PALS1: variants seen among roughly 807,000 people sequenced by gnomAD.
PALS1 encodes protein associated with LIN7 1, MAGUK p55 family member.
PALS1 carries 31 observed loss-of-function variants against 78.9 expected under a neutral mutation model. The observed-to-expected ratio is 0.39, with a 90% CI of 0.30 to 0.53. PALS1 has a LOEUF of 0.53. PALS1 is among the 20% of genes least tolerant of loss of function. The pLI is 0.67. For synonymous variants in PALS1, 276 were observed against 270.9 expected (o/e 1.02, Z -0.18); for missense variants, 704 against 826.5 (o/e 0.85, Z 1.82).
At position 67,255,626 on chromosome 14, in the gene PALS1, C is replaced by G. The variant is rs115874811; in HGVS notation, c.-236-14075C>G. ...GCTTAGGGCTTGAGAGATAACACTT[C>G]GATTACTTTTCTTAATTTAAAGGTT... On this transcript the variant is annotated intron_variant, in intron 1 of 14. Coordinates refer to ENST00000261681, the MANE Select transcript of PALS1 (RefSeq NM_022474.4). Among the ~76,000 whole-genome samples, 833 of 152,210 alleles carry G rather than the reference C, an allele frequency of 5.5e-3. 7 individuals are homozygous for G. The highest frequency in any genetic ancestry group is 0.019 in the African/African-American group (797 of 41,540).
chr14:67,251,161 A>G (rs2084057443), intron 1 of PALS1, among the ~76,000 whole-genome samples: 1 of 152,232 alleles, frequency 6.6e-6, no homozygotes, highest in African/African-American at 2.4e-5. Context: ...GCCTGCCTTA[A>G]GACTTATTTT....
chr14:67,283,126 C>T (rs2084627496), intron 3 of PALS1, among the ~76,000 whole-genome samples: 1 of 152,086 alleles, frequency 6.6e-6, no homozygotes, highest in Admixed American at 6.6e-5. Context: ...TGATTAGGGG[C>T]TTTCTAATCT....
chr14:67,262,908 A>G (rs2084261509), intron 1 of PALS1, among the ~76,000 whole-genome samples: 2 of 152,172 alleles, frequency 1.3e-5, no homozygotes, highest in African/African-American at 4.8e-5. Flanking sequence ...TTAAAAACCC[A>G]TTTCTAGCCA....
At chr14:67,291,748 G>C (rs2084777070) in intron 3 of PALS1, among the ~76,000 whole-genome samples, 1 of 152,170 alleles carries the variant, frequency 6.6e-6, no homozygotes, top group African/African-American at 2.4e-5. Flanking sequence ...CAAAAGAAGT[G>C]CCTGGTAATT....
At chr14:67,259,663 C>G (rs994355655) in intron 1 of PALS1, among the ~76,000 whole-genome samples, 4 of 151,748 alleles carry the variant, frequency 2.6e-5, no homozygotes, top group Non-Finnish European at 5.9e-5. Context: ...GTAATCCCAG[C>G]GCCCTGAGAG....
chr14:67,266,686 A>G lies in PALS1; in HGVS notation c.-236-3015A>G, dbSNP rs191101512. 2.0e-5 allele frequency among the ~76,000 whole-genome samples: 3 copies of G among 152,280 alleles called. No homozygotes were observed. In the East Asian group the frequency reaches 5.8e-4, roughly 29 times the overall value. The stretch of plus-strand genomic sequence containing the variant: ...TTGGACATAGCTAAGTTTCTTCTGC[A>G]AAGATAGGTCATTCATTGTTGGAAA... On this transcript the variant is annotated intron_variant, in intron 1 of 14. Coordinates refer to ENST00000261681, the MANE Select transcript of PALS1 (RefSeq NM_022474.4).
intron 2 of PALS1, among the ~76,000 whole-genome samples, chr14:67,273,266 CT>C (rs1478215410): frequency 3.9e-5 from 6 of 151,938 alleles, no homozygotes; most frequent in African/African-American, 1.2e-4. Context: ...TCGCTCCCCC[CT>C]CCCACCTCCC....
At chr14:67,270,985 GT>G (rs2084398859) in intron 2 of PALS1, 1 of 152,200 alleles carries the variant, frequency 6.6e-6, no homozygotes, top group Non-Finnish European at 1.5e-5. Flanking sequence ...AATGAGGAAG[GT>G]AAATTAGAAG....
chr14:67,306,702 A>G (rs2085009950), intron 8 of PALS1, among the ~76,000 whole-genome samples: 2 of 152,122 alleles, frequency 1.3e-5, no homozygotes, highest in South Asian at 4.1e-4. Flanking sequence ...ATAACTCTCA[A>G]TTGCAATATA....
chr14:67,295,444 T>G (rs1394930361), intron 4 of PALS1, among the ~76,000 whole-genome samples: 1 of 150,892 alleles, frequency 6.6e-6, no homozygotes, highest in Non-Finnish European at 1.5e-5. Flanking sequence ...GAGCTGAGAT[T>G]GCACCACTGC....
At chr14:67,257,955 G>A (rs1385560587) in intron 1 of PALS1, among the ~76,000 whole-genome samples, 1 of 152,112 alleles carries the variant, frequency 6.6e-6, no homozygotes, top group African/African-American at 2.4e-5. Flanking sequence ...CACCAAGGTA[G>A]TGAATATTTG....
At chr14:67,330,147 TAA>T (rs1202784544) in intron 14 of PALS1, among the ~76,000 whole-genome samples, 24 of 146,956 alleles carry the variant, frequency 1.6e-4, no homozygotes, top group African/African-American at 3.7e-4. Context: ...TAAATAATAA[TAA>T]TAATAATTAT....
At chr14:67,254,344 T>A (rs757700592) in intron 1 of PALS1, 1 of 152,138 alleles carries the variant, frequency 6.6e-6, no homozygotes, top group Non-Finnish European at 1.5e-5. Flanking sequence ...CCTATTAGAT[T>A]TGCAGTATAG....
intron 11 of PALS1, 22 bp from the exon 12 acceptor site, chr14:67,320,208 G>A (rs2085241520): frequency 1.9e-6 from 3 of 1,599,116 alleles, no homozygotes; most frequent in South Asian, 2.3e-5. Flanking sequence ...TGTTTGAAGA[G>A]CTTAACTTTT....
At chr14:67,243,934 G>C (rs2083945465) in intron 1 of PALS1, among the ~76,000 whole-genome samples, 4 of 152,216 alleles carry the variant, frequency 2.6e-5, no homozygotes, top group Admixed American at 2.6e-4. Flanking sequence ...TCCGTAGTCT[G>C]ACTGCTAGTT....
chr14:67,318,524 ACT>A (rs1446124427), intron 11 of PALS1, among the ~76,000 whole-genome samples: 1 of 152,250 alleles, frequency 6.6e-6, no homozygotes, highest in Non-Finnish European at 1.5e-5. Flanking sequence ...GGATATACAC[ACT>A]GAGTCTATAA....
In PALS1 at chr14:67,333,032, G is replaced by A. The variant is rs528575692; in HGVS notation, c.*76G>A. 3.1e-6 allele frequency: 4 copies of A among 1,295,726 alleles called. No homozygotes were observed. The highest frequency in any genetic ancestry group is 1.5e-5 in the African/African-American group (1 of 67,992). The allele number at this position is 1,295,726 out of a possible 1,614,324, so 80.3% of individuals were successfully genotyped here. ...AATAGGAGGACTGCCCGACACTGCA[G>A]CAAGATTGAGGATAAGATGGAAGGC... On this transcript the variant is annotated 3_prime_UTR_variant, in exon 15 of 15. Transcript: ENST00000261681.
intron 8 of PALS1, among the ~76,000 whole-genome samples, chr14:67,311,382 T>G (rs534907487): frequency 6.6e-6 from 1 of 151,890 alleles, no homozygotes; most frequent in East Asian, 1.9e-4. Context: ...TCTTAGACTG[T>G]TTGTCTTTTG....
At chr14:67,301,265 T>G (rs1452326707) in intron 4 of PALS1, 124 bp from the exon 5 acceptor site, 1 of 493,422 alleles carries the variant, frequency 2.0e-6, no homozygotes, top group African/African-American at 1.9e-5. Context: ...TTCTTTTTAG[T>G]GATTTTATTT....
Sources: gnomAD v4.1 joint callset for allele counts (sites outside exome capture counted in the v4.1 genomes callset) on GRCh38, gnomAD v4.1.1 for gene constraint, MANE v1.5 for transcripts, NCBI Gene and HGNC (gene_info 2026-07-23, HGNC 2026-07-21) for gene names.